Variants in AFDN observed in about 807,000 individuals in gnomAD.
The protein encoded by AFDN is afadin.
A neutral mutation model predicts 216.6 loss-of-function variants in AFDN; 68 were observed. The ratio of observed to expected loss-of-function variants is 0.31; its 90% CI spans 0.26 to 0.38. The LOEUF (loss-of-function observed/expected upper bound fraction) is 0.38. Ranked by LOEUF, AFDN falls within the 10% of genes least tolerant of loss-of-function variation. The pLI, the probability that AFDN is intolerant of heterozygous loss-of-function variation, is 1.00. For missense variants in AFDN, 2,136 were observed against 2,342.0 expected, an observed-to-expected ratio of 0.91 and a Z score of 1.82; for synonymous variants, 868 against 853.7, an observed-to-expected ratio of 1.02 and a Z score of -0.29.
chr6:167,837,051 T>C (rs1303936971), intron 1 of AFDN, among the ~76,000 whole-genome samples: 1 of 152,248 alleles, frequency 6.6e-6, no homozygotes, highest in East Asian at 1.9e-4. Flanking sequence ...ACAAACTTGC[T>C]GATTTTAATT....
intron 21 of AFDN, among the ~76,000 whole-genome samples, chr6:167,921,573 G>A (rs1791810144): frequency 6.6e-6 from 1 of 152,086 alleles, no homozygotes. Flanking sequence ...TGTACGACCA[G>A]CCTGGACTCA....
At chr6:167,920,531 C>T (rs775876984) in intron 21 of AFDN, among the ~76,000 whole-genome samples, 18 of 152,132 alleles carry the variant, frequency 1.2e-4, no homozygotes, top group Non-Finnish European at 1.9e-4. Flanking sequence ...CGTTAGTCCT[C>T]GGACAGTCTC....
intron 23 of AFDN, among the ~76,000 whole-genome samples, chr6:167,938,938 T>TA (rs1424587121): frequency 6.6e-6 from 1 of 152,162 alleles, no homozygotes; most frequent in Non-Finnish European, 1.5e-5. Flanking sequence ...GCTTGGGTTT[T>TA]AGGGAGAAAT....
At chr6:167,855,326 C>T (rs1562557740) in intron 1 of AFDN, among the ~76,000 whole-genome samples, 1 of 152,012 alleles carries the variant, frequency 6.6e-6, no homozygotes, top group Non-Finnish European at 1.5e-5. Context: ...TGTCTCCTGC[C>T]TCCAGGAGTA....
intron 23 of AFDN, among the ~76,000 whole-genome samples, chr6:167,940,142 G>A (rs1261851878): frequency 6.6e-6 from 1 of 152,248 alleles, no homozygotes; most frequent in Admixed American, 6.5e-5. Context: ...ATCTGGGACT[G>A]GGCTGGAGAC....
intron 26 of AFDN, among the ~76,000 whole-genome samples, chr6:167,944,980 T>C (rs1421930242): frequency 6.6e-6 from 1 of 152,012 alleles, no homozygotes; most frequent in Non-Finnish European, 1.5e-5. Flanking sequence ...TTTACAAATA[T>C]ATATATATAT....
chr6:167,839,357 C>CTT (rs558765660), intron 1 of AFDN, among the ~76,000 whole-genome samples: 7 of 146,580 alleles, frequency 4.8e-5, no homozygotes, highest in Admixed American at 6.8e-5. Context: ...CTGTTGTTTA[C>CTT]TTTTTTTTTT....
At chr6:167,853,624 T>C (rs550460297) in intron 1 of AFDN, among the ~76,000 whole-genome samples, 9 of 152,072 alleles carry the variant, frequency 5.9e-5, no homozygotes, top group Non-Finnish European at 1.2e-4. Flanking sequence ...TTTGCTTCCA[T>C]CTTGATTATG....
chr6:167,849,255 T>A (rs1156630585), intron 1 of AFDN, among the ~76,000 whole-genome samples: 1 of 152,208 alleles, frequency 6.6e-6, no homozygotes, highest in Non-Finnish European at 1.5e-5. Context: ...TTAGTATTTG[T>A]GGGTTTTTTC....
At position 167,943,194 on chromosome 6, in the gene AFDN, G is replaced by T; in HGVS notation, c.3165G>T (p.Val1055=). 1.2e-6 allele frequency: 2 copies of T among 1,612,476 alleles called. No homozygotes were observed. Among genetic ancestry groups the T allele is most frequent in the Non-Finnish European group, 1.7e-6 (2 of 1,178,868 alleles). ...TTGTGAAAGGAGGTGCTGCAGATGT[G>T]GTCAGTATCATTTTGAAAGAAGTAC... ...KSVVKGGAAD[V]DGRLAAGDQL... The change falls in exon 24 of 34, where the codon GTG becomes GTT. Residue 1055 remains valine, a splice_region_variant and synonymous_variant. Transcript: ENST00000683244.
chr6:167,881,808 A>G (rs1452597269), intron 6 of AFDN, among the ~76,000 whole-genome samples: 1 of 152,238 alleles, frequency 6.6e-6, no homozygotes. Context: ...GACTGTACCC[A>G]GAATACTGAT....
At position 167,911,317 on chromosome 6, in the gene AFDN, A is replaced by G. The variant is rs763182450; in HGVS notation, c.1865A>G (p.Tyr622Cys). The G allele has an allele frequency of 6.2e-7, 1 of 1,614,016 alleles. No individual in the cohort carries two copies. The highest frequency in any genetic ancestry group is 1.1e-5 in the South Asian group (1 of 91,082). The change falls in exon 15 of 34, where the codon TAT becomes TGT. Residue 622 changes from tyrosine (Y) to cysteine (C), a missense_variant. Coordinates refer to ENST00000683244, the MANE Select transcript of AFDN (RefSeq NM_001386888.1). ...TCATTTTTGTCTGCCATTATAAATT[A>G]TACTAATAGCTCTACAGTCCACTTT... Reference protein sequence around the residue: ...EDSFLSAIINYTNSSTVHFKL... With the variant: ...EDSFLSAIINCTNSSTVHFKL...
chr6:167,844,830 A>G (rs1238862459), intron 1 of AFDN, among the ~76,000 whole-genome samples: 1 of 150,992 alleles, frequency 6.6e-6, no homozygotes, highest in East Asian at 1.9e-4. Flanking sequence ...ATTGTTGAGA[A>G]TGAGCATCCT....
intron 32 of AFDN, among the ~76,000 whole-genome samples, chr6:167,967,686 A>G (rs187900445): frequency 2.7e-3 from 407 of 152,234 alleles, no homozygotes; most frequent in Non-Finnish European, 4.8e-3. Context: ...TACCGCACAC[A>G]TGAAGTACCT....
intron 21 of AFDN, among the ~76,000 whole-genome samples, chr6:167,921,295 TTA>T (rs1791763789): frequency 2.6e-5 from 4 of 152,348 alleles, no homozygotes; most frequent in Admixed American, 2.6e-4. Context: ...ATAAGCTCTC[TTA>T]AATGATTAAT....
chr6:167,902,464 G>A, intron 12 of AFDN, 78 bp downstream of exon 12: 1 of 1,057,658 alleles, frequency 9.5e-7, no homozygotes, highest in Non-Finnish European at 1.5e-6. Flanking sequence ...GGTGGGGGAT[G>A]TGTTCCCCTT....
intron 3 of AFDN, among the ~76,000 whole-genome samples, chr6:167,871,468 C>T (rs1468568650): frequency 2.6e-5 from 4 of 152,192 alleles, no homozygotes; most frequent in Non-Finnish European, 4.4e-5. Context: ...AATCAAATGG[C>T]AGTGTTCACA....
intron 30 of AFDN, among the ~76,000 whole-genome samples, chr6:167,953,786 G>A (rs1796239979): frequency 6.6e-6 from 1 of 152,202 alleles, no homozygotes. Context: ...TGTCGCTCCT[G>A]GGTGCACTAA....
At chr6:167,940,145 C>T (rs927222126) in intron 23 of AFDN, among the ~76,000 whole-genome samples, 3 of 152,146 alleles carry the variant, frequency 2.0e-5, no homozygotes, top group African/African-American at 7.2e-5. Context: ...TGGGACTGGG[C>T]TGGAGACTTG....
Sources: allele counts gnomAD v4.1 joint callset (sites outside exome capture counted in the v4.1 genomes callset), GRCh38; gene constraint gnomAD v4.1.1; transcripts MANE v1.5; gene names NCBI Gene and HGNC (gene_info 2026-07-23, HGNC 2026-07-21).